The following ARHGAP30 variants were observed in gnomAD, a reference collection of about 807,000 sequenced individuals.
ARHGAP30 encodes Rho GTPase activating protein 30.
In ARHGAP30, 23 loss-of-function variants were observed where a neutral mutation model predicts 72.0. The observed-to-expected ratio is 0.32, with a 90% CI of 0.23 to 0.45. ARHGAP30 has a LOEUF of 0.45. Among genes scored for constraint, ARHGAP30 ranks in the 20% least tolerant of loss-of-function variants. The pLI is 1.00. For missense variants in ARHGAP30, 1,319 were observed against 1,383.4 expected (o/e 0.95, Z 0.74); for synonymous variants, 576 against 528.2 (o/e 1.09, Z -1.24).
chr1:161,047,916 A>AG lies in ARHGAP30; in HGVS notation c.3104dup (p.Cys1036LeufsTer2). 6.2e-7 allele frequency: 1 copy of AG among 1,613,104 alleles called. No homozygotes were observed. The highest frequency in any genetic ancestry group is 8.5e-7 in the Non-Finnish European group (1 of 1,179,516). On this transcript the variant is annotated frameshift_variant, in exon 12 of 12. Coordinates refer to ENST00000368013, the MANE Select transcript of ARHGAP30 (RefSeq NM_001025598.2). LOFTEE classifies it high-confidence loss of function. ...GAGAATGGGCAGAGATCATGCTACA[A>AG]GGGGAGGTTCTGGGGATGAGGCAGT...
chr1:161,052,335 C>T lies in ARHGAP30; in HGVS notation c.969G>A (p.Arg323=), dbSNP rs1320757418. ...TCAGTGAGTCCATGCTTTTGGCTGG[C>T]CGCAGTGTCCCCTTGTTGGATTTAT... The part of the protein sequence containing the change: ...REDKSNKGTL[R]PAKSMDSLSA... Residue 323 remains arginine (R), a synonymous_variant, in exon 9 of 12, where the codon CGG becomes CGA. Transcript: ENST00000368013. 6.2e-7 allele frequency: 1 copy of T among 1,614,012 alleles called. No individual in the cohort carries two copies. The highest frequency in any genetic ancestry group is 1.1e-5 in the South Asian group (1 of 91,086).
rs1222760407 is a variant in ARHGAP30, at chr1:161,069,468, G to T, written c.97+60C>A. 9.7e-6 allele frequency: 15 copies of T among 1,542,398 alleles called. 1 individual carries two copies. The South Asian group carries it at 1.6e-4, about 16-fold the overall frequency. ...CTGCTTCTGCCCTTCAGGCTGGATC[G>T]GGCTGCAGATGCCCAGTGCCTCCCC... On this transcript the variant is annotated intron_variant, in intron 1 of 11. Coordinates refer to ENST00000368013, the MANE Select transcript of ARHGAP30 (RefSeq NM_001025598.2). This position sits in a 1 kb window ranked among gnomAD's most constrained non-coding sequence, Gnocchi z 4.9.
chr1:161,057,240 C>A (rs141227137), intron 2 of ARHGAP30, among the ~76,000 whole-genome samples: 1 of 151,748 alleles, frequency 6.6e-6, no homozygotes, highest in Non-Finnish European at 1.5e-5. Flanking sequence ...CTGCAGCCTC[C>A]GCCTCCCAGG....
Position 161,047,881 on chromosome 1 carries a change from AG to A in ARHGAP30, c.3139del (p.Ser1048AlafsTer56). On this transcript the variant is annotated frameshift_variant, in exon 12 of 12. Transcript: ENST00000368013. LOFTEE classifies it high-confidence loss of function. ...SMISAHSPRPLSCLELPSEGA... is the reference protein window; with the variant it reads ...SMISAHSPRPXSCLELPSEGA... ...TTCAGATGGGAGCTCCAGGCAGCTA[AG>A]GGGCCGAGGAGAATGGGCAGAGATC... The A allele has an allele frequency of 6.2e-7, 1 of 1,611,568 alleles. No individual in the cohort carries two copies. The highest frequency in any genetic ancestry group is 1.3e-5 in the African/African-American group (1 of 74,930).
chr1:161,065,139 T>C (rs1652667647), intron 1 of ARHGAP30, among the ~76,000 whole-genome samples: 1 of 152,200 alleles, frequency 6.6e-6, no homozygotes, highest in South Asian at 2.1e-4. Flanking sequence ...CATGCCCTGC[T>C]AATTTTTATG....
At position 161,048,084 on chromosome 1, in the gene ARHGAP30, A is replaced by G. The variant is rs754494456; in HGVS notation, c.2937T>C (p.Ala979=). Residue 979 remains alanine (A), a synonymous_variant, in exon 12 of 12, where the codon GCT becomes GCC. Transcript: ENST00000368013. ...GRLDGTPGER[A]WGSRASRSSW... is the part of the protein sequence containing the mutation. ...AGGATCGAGAAGCTCGGGACCCCCAAGCCCTTTCTCCAGGAGTCCCATCAA... is the reference window on the plus strand; with the variant it reads ...AGGATCGAGAAGCTCGGGACCCCCAGGCCCTTTCTCCAGGAGTCCCATCAA... 1 of 1,614,174 alleles carries G rather than the reference A, an allele frequency of 6.2e-7. No homozygotes were observed. Among genetic ancestry groups the G allele is most frequent in the Non-Finnish European group, 8.5e-7 (1 of 1,180,026 alleles).
intron 1 of ARHGAP30, among the ~76,000 whole-genome samples, chr1:161,061,655 G>A (rs1652320397): frequency 6.6e-6 from 1 of 152,164 alleles, no homozygotes; most frequent in African/African-American, 2.4e-5. Context: ...CTCAAATCAA[G>A]GGTGCAAAAC....
chr1:161,050,972 C>T (rs1285446151), intron 10 of ARHGAP30, among the ~76,000 whole-genome samples: 1 of 152,196 alleles, frequency 6.6e-6, no homozygotes, highest in Non-Finnish European at 1.5e-5. Flanking sequence ...TAAATGTTAG[C>T]TGATAGTATT....
rs996708203 is a variant in ARHGAP30, at chr1:161,052,674, G to A, written c.788C>T (p.Pro263Leu). ...LPSILQAGDG[P>L]PQMRPYHTII... ...AGTATGGTAGGGCCGCATCTGTGGG[G>A]GTCCATCGCCAGCCTGCAGTATGCT... The change falls in exon 7 of 12, where the codon CCC (proline) becomes CTC (leucine). Residue 263 changes from proline to leucine, a missense_variant. This residue lies in a region of ARHGAP30 where 1,097 missense variants were observed against 1,045.2 expected (regional missense o/e 1.05). Transcript: ENST00000368013. The A allele has an allele frequency of 1.4e-5, 23 of 1,613,650 alleles. No individual in the cohort carries two copies. The highest frequency in any genetic ancestry group is 1.9e-5 in the Non-Finnish European group (23 of 1,179,972).
At chr1:161,053,227 G>A (rs1216952820) in intron 6 of ARHGAP30, 31 bp downstream of exon 6, 2 of 1,612,100 alleles carry the variant, frequency 1.2e-6, no homozygotes, top group Non-Finnish European at 1.7e-6. Context: ...CCCCAACAGT[G>A]GGATATGTGG....
chr1:161,061,885 C>G (rs1243517350), intron 1 of ARHGAP30, among the ~76,000 whole-genome samples: 1 of 152,000 alleles, frequency 6.6e-6, no homozygotes. Flanking sequence ...GTCAGGAGTT[C>G]GAGACCAGCC....
At chr1:161,057,389 G>C (rs1336363454) in intron 2 of ARHGAP30, among the ~76,000 whole-genome samples, 1 of 152,184 alleles carries the variant, frequency 6.6e-6, no homozygotes, top group Non-Finnish European at 1.5e-5. Flanking sequence ...TGGGCAAAGG[G>C]TTTGAATAAA....
Position 161,047,921 on chromosome 1 carries a change from A to G in ARHGAP30, c.3100T>C (p.Ser1034Pro), listed in dbSNP as rs1169566059. 6.2e-7 allele frequency: 1 copy of G among 1,612,866 alleles called. No homozygotes were observed. Among genetic ancestry groups the G allele is most frequent in the African/African-American group, 1.3e-5 (1 of 74,906 alleles). ...TGGGCAGAGATCATGCTACAAGGGG[A>G]GGTTCTGGGGATGAGGCAGTAATCC... ...GGDYCLIPRT[S>P]PCSMISAHSP... The change falls in exon 12 of 12, where the codon TCC becomes CCC. Residue 1034 changes from serine to proline, a missense_variant. Ser to Pro is a moderately conservative substitution (Grantham distance 74, BLOSUM62 -1). This residue lies in a region of ARHGAP30 where 1,097 missense variants were observed against 1,045.2 expected (regional missense o/e 1.05). Coordinates refer to ENST00000368013, the MANE Select transcript of ARHGAP30 (RefSeq NM_001025598.2).
intron 1 of ARHGAP30, among the ~76,000 whole-genome samples, chr1:161,063,961 G>T (rs962068001): frequency 2.0e-5 from 3 of 152,190 alleles, no homozygotes; most frequent in African/African-American, 7.2e-5. Context: ...CTCCTGATAA[G>T]ATGTTATCAA....
Position 161,047,788 on chromosome 1 carries a change from G to A in ARHGAP30, c.3233C>T (p.Pro1078Leu). 7 of 1,594,712 alleles carry A rather than the reference G, an allele frequency of 4.4e-6. No individual in the cohort carries two copies. The highest frequency in any genetic ancestry group is 6.0e-6 in the Non-Finnish European group (7 of 1,172,394). Residue 1078 changes from proline to leucine, a missense_variant, in exon 12 of 12, where the codon CCC (proline) becomes CTC (leucine). Pro to Leu is a moderately conservative substitution (Grantham distance 98). Coordinates refer to ENST00000368013, the MANE Select transcript of ARHGAP30 (RefSeq NM_001025598.2). ...TGACCTGCGCTGAGAGGACAACAGG[G>A]GGTCAGGAACCTGGGGTTCTCTGGG... ...LPPREPQVPDPLLSSQRRSYA... is the reference protein window; with the variant it reads ...LPPREPQVPDLLLSSQRRSYA...
intron 1 of ARHGAP30, among the ~76,000 whole-genome samples, chr1:161,064,841 GAAAGAAAGGAA>G (rs1557935536): frequency 1.9e-5 from 2 of 107,902 alleles, no homozygotes; most frequent in African/African-American, 7.9e-5. Flanking sequence ...GAGAAAGAAA[GAAAGAAAGGAA>G]AGGAAGGAGA....
At chr1:161,055,886 TAAATAAAATAAAATAAAATAAAATA>T (rs796072565) in intron 3 of ARHGAP30, among the ~76,000 whole-genome samples, 9 of 55,412 alleles carry the variant, frequency 1.6e-4, no homozygotes, top group South Asian at 1.4e-3. Flanking sequence ...AAAATAAAAA[TAAATAAAATAAAATAAAATAAAATA>T]AAATAAAATA....
At chr1:161,067,449 A>G (rs978811540) in intron 1 of ARHGAP30, among the ~76,000 whole-genome samples, 1 of 152,116 alleles carries the variant, frequency 6.6e-6, no homozygotes, top group Non-Finnish European at 1.5e-5. Context: ...GCCTGCCTGT[A>G]ATCCCAGCTA....
chr1:161,059,973 C>T (rs1652193056), intron 1 of ARHGAP30, among the ~76,000 whole-genome samples: 1 of 152,224 alleles, frequency 6.6e-6, no homozygotes, highest in Admixed American at 6.5e-5. Context: ...TTAGAAAGTT[C>T]TGCCTTTGTT....
Sources: allele counts gnomAD v4.1 joint callset (sites outside exome capture counted in the v4.1 genomes callset), GRCh38; gene constraint gnomAD v4.1.1; regional missense constraint gnomAD v4.1.1; non-coding constraint Gnocchi (gnomAD v3.1); transcripts MANE v1.5; gene names NCBI Gene and HGNC (gene_info 2026-07-23, HGNC 2026-07-21).